ARHGEF6: variants seen among roughly 807,000 people sequenced by gnomAD.
ARHGEF6 encodes the protein rho guanine nucleotide exchange factor 6.
A neutral mutation model predicts 70.3 loss-of-function variants in ARHGEF6; 9 were observed. The ratio of observed to expected loss-of-function variants is 0.13; its 90% CI spans 0.08 to 0.22. The LOEUF is 0.22. ARHGEF6 is among the 10% of genes least tolerant of loss of function. ARHGEF6 has a pLI of 1.00. For missense variants in ARHGEF6, 470 were observed against 563.0 expected, an observed-to-expected ratio of 0.83 and a Z score of 1.67; for synonymous variants, 201 against 207.8, an observed-to-expected ratio of 0.97 and a Z score of 0.28.
chrX:136,686,627 T>TATATATATATATACAC (rs2076395989), intron 11 of ARHGEF6, among the ~76,000 whole-genome samples: 1 of 52,309 alleles, frequency 1.9e-5, no homozygotes, highest in African/African-American at 1.3e-4. Context: ...TATATACACA[T>TATATATATATATACAC]ATATATATAT....
chrX:136,719,926 C>T (rs868811208), intron 6 of ARHGEF6, among the ~76,000 whole-genome samples: 1 of 111,409 alleles, frequency 9.0e-6, no homozygotes, highest in Admixed American at 9.5e-5. Context: ...TACAATCTGC[C>T]AACACTCACA....
intron 2 of ARHGEF6, among the ~76,000 whole-genome samples, chrX:136,772,390 T>C (rs757461907): frequency 6.3e-5 from 7 of 111,852 alleles, no homozygotes; most frequent in African/African-American, 9.7e-5. Context: ...TAAAATAACT[T>C]AAAGAGTGTA....
chrX:136,715,055 C>T (rs2076723609), intron 6 of ARHGEF6, among the ~76,000 whole-genome samples: 1 of 111,998 alleles, frequency 8.9e-6, no homozygotes, highest in African/African-American at 3.3e-5. Flanking sequence ...TTGAGAATCA[C>T]TGGCTTAGAA....
intron 2 of ARHGEF6, among the ~76,000 whole-genome samples, chrX:136,750,198 A>T (rs1351597210): frequency 1.8e-5 from 2 of 112,123 alleles, no homozygotes; most frequent in Admixed American, 1.9e-4. Flanking sequence ...TAAAGTACAG[A>T]CCACTTTTTC....
chrX:136,699,011 GAATAAGAATAT>G (rs2076538685), intron 9 of ARHGEF6, among the ~76,000 whole-genome samples: 1 of 111,425 alleles, frequency 9.0e-6, no homozygotes, highest in Non-Finnish European at 1.9e-5. Context: ...AGGTCTGTTG[GAATAAGAATAT>G]AATACCAGAT....
At chrX:136,725,363 GCC>G (rs367945565) in intron 6 of ARHGEF6, among the ~76,000 whole-genome samples, 1 of 98,616 alleles carries the variant, frequency 1.0e-5, no homozygotes, top group African/African-American at 3.8e-5. Flanking sequence ...ATCAAATTAT[GCC>G]CCCCCCCCAA....
rs991220891 is a variant in ARHGEF6, at chrX:136,706,894, T to G, written c.1046+14A>C. On this transcript the variant is annotated intron_variant, in intron 9 of 21. Coordinates refer to ENST00000250617, the MANE Select transcript of ARHGEF6 (RefSeq NM_004840.3). ...GATCTCATTGCAAAAGTTGGGGAAA[T>G]GTTAACTATTTACCTGTGCTGAGTG... The G allele has an allele frequency of 9.9e-6, 12 of 1,209,916 alleles. No homozygotes were observed. The African/African-American group carries it at 1.4e-4, about 14-fold the overall frequency.
intron 5 of ARHGEF6, among the ~76,000 whole-genome samples, chrX:136,738,658 C>T (rs2077012170): frequency 8.9e-6 from 1 of 112,345 alleles, no homozygotes; most frequent in African/African-American, 3.2e-5. Context: ...ATGTCTTATG[C>T]TTCTCCACCA....
At chrX:136,737,069 C>G (rs1374323830) in intron 5 of ARHGEF6, among the ~76,000 whole-genome samples, 1 of 111,846 alleles carries the variant, frequency 8.9e-6, no homozygotes, top group Non-Finnish European at 1.9e-5. Flanking sequence ...CTTCGAGTGG[C>G]CACAGTGTTA....
chrX:136,730,194 A>G (rs2076921427), intron 6 of ARHGEF6, among the ~76,000 whole-genome samples: 1 of 111,356 alleles, frequency 9.0e-6, no homozygotes, highest in African/African-American at 3.3e-5. Context: ...AATATCTACA[A>G]TTAATGACTC....
intron 5 of ARHGEF6, among the ~76,000 whole-genome samples, chrX:136,735,582 A>G (rs1468251659): frequency 2.7e-5 from 3 of 111,553 alleles, no homozygotes; most frequent in African/African-American, 9.8e-5. Context: ...TGCGGGGGGA[A>G]ATCAGTCAAT....
intron 21 of ARHGEF6, among the ~76,000 whole-genome samples, chrX:136,668,895 G>A (rs749049575): frequency 4.5e-5 from 5 of 110,833 alleles, no homozygotes; most frequent in African/African-American, 1.3e-4. Flanking sequence ...TATTATCCTC[G>A]TCCATAGGTT....
intron 4 of ARHGEF6, 151 bp from the exon 5 acceptor site, chrX:136,743,937 T>C: frequency 1.9e-6 from 1 of 526,592 alleles, no homozygotes. Context: ...AATCCATGAA[T>C]GGGTCTCAGA....
intron 19 of ARHGEF6, among the ~76,000 whole-genome samples, chrX:136,673,762 A>G (rs751391335): frequency 4.5e-5 from 5 of 111,336 alleles, no homozygotes; most frequent in Non-Finnish European, 7.5e-5. Context: ...GCAGAGTGCG[A>G]CAGTCCTCTC....
Position 136,666,929 on chromosome X carries a change from A to C in ARHGEF6, c.*1100T>G, listed in dbSNP as rs2076166978. On this transcript the variant is annotated 3_prime_UTR_variant, in exon 22 of 22. Transcript: ENST00000250617. ...CAAATACTGCTTAGAGTCCCACCCA[A>C]AGAGGCCAATTAATATTACAACTTC... 8.9e-6 allele frequency: 1 copy of C among 112,312 alleles called. No individual in the cohort carries two copies. Among genetic ancestry groups the C allele is most frequent in the Non-Finnish European group, 1.9e-5 (1 of 53,251 alleles). 9.3% of individuals were successfully genotyped at this position (112,312 alleles called of 1,213,427 possible).
At chrX:136,749,342 CA>C (rs1188252980) in intron 2 of ARHGEF6, among the ~76,000 whole-genome samples, 3 of 110,204 alleles carry the variant, frequency 2.7e-5, no homozygotes, top group East Asian at 2.8e-4. Flanking sequence ...AGTAGCAAAG[CA>C]AAAAAAATCA....
chrX:136,669,068 C>G (rs1231348528), intron 21 of ARHGEF6, among the ~76,000 whole-genome samples: 1 of 111,609 alleles, frequency 9.0e-6, no homozygotes, highest in Non-Finnish European at 1.9e-5. Flanking sequence ...ATCCTTCACT[C>G]TGTCACCAGA....
chrX:136,757,753 A>G (rs957786938), intron 2 of ARHGEF6, among the ~76,000 whole-genome samples: 4 of 112,009 alleles, frequency 3.6e-5, no homozygotes, highest in African/African-American at 9.7e-5. Context: ...ATGCTGTTAA[A>G]TTCCACTCTT....
Position 136,690,695 on chromosome X carries a change from A to G in ARHGEF6, c.1100T>C (p.Leu367Pro). 1 of 1,210,596 alleles carries G rather than the reference A, an allele frequency of 8.3e-7. No individual in the cohort carries two copies. Among genetic ancestry groups the G allele is most frequent in the Non-Finnish European group, 1.1e-6 (1 of 894,476 alleles). Reference sequence around the variant, plus strand: ...TTTGCTGAGGTTTGTTGTTAAAATGAGGATACCTGGGCTCGATGCACCTTG... The same window carrying G: ...TTTGCTGAGGTTTGTTGTTAAAATGGGGATACCTGGGCTCGATGCACCTTG... ...ENQGASSPGI[L>P]ILTTNLSKPF... is the part of the protein sequence containing the mutation. Residue 367 changes from leucine (L) to proline (P), a missense_variant, in exon 10 of 22, where the codon CTC becomes CCC. Coordinates refer to ENST00000250617, the MANE Select transcript of ARHGEF6 (RefSeq NM_004840.3).
Sources: gnomAD v4.1 joint callset for allele counts (sites outside exome capture counted in the v4.1 genomes callset) on GRCh38, gnomAD v4.1.1 for gene constraint, MANE v1.5 for transcripts, NCBI Gene and HGNC (gene_info 2026-07-23, HGNC 2026-07-21) for gene names.